PLAG1: variants seen among roughly 807,000 people sequenced by gnomAD.
The protein encoded by PLAG1 is PLAG1 zinc finger, also known as zinc finger protein PLAG1.
In PLAG1, 7 loss-of-function variants were observed where a neutral mutation model predicts 35.5. The observed-to-expected ratio is 0.20, with a 90% CI of 0.11 to 0.37. The LOEUF is 0.37. PLAG1 is among the 10% of genes least tolerant of loss of function. PLAG1 has a pLI of 1.00. For missense variants in PLAG1, 454 were observed against 602.8 expected (o/e 0.75, Z 2.58); for synonymous variants, 229 against 225.4 (o/e 1.02, Z -0.14).
intron 1 of PLAG1, among the ~76,000 whole-genome samples, chr8:56,195,499 A>T (rs1331313124): frequency 6.6e-6 from 1 of 152,180 alleles, no homozygotes. Flanking sequence ...ATGGAAGCTA[A>T]CCAGCCTTCT....
At chr8:56,205,555 TATTA>T (rs1246419351) in intron 1 of PLAG1, among the ~76,000 whole-genome samples, 1 of 151,890 alleles carries the variant, frequency 6.6e-6, no homozygotes, top group Non-Finnish European at 1.5e-5. Context: ...TGTAGTTGGT[TATTA>T]TTTATTCACA....
At position 56,166,668 on chromosome 8, in the gene PLAG1, G is replaced by A. The variant is rs1563372594; in HGVS notation, c.1078C>T (p.Leu360=). ...QPLKGEIESY[L]MELQGGVPSS... Reference sequence around the variant, plus strand: ...GGCACGCCACCTTGTAACTCCATCAGGTAACTCTCAATTTCCCCCTTTAAT... The same window carrying A: ...GGCACGCCACCTTGTAACTCCATCAAGTAACTCTCAATTTCCCCCTTTAAT... Residue 360 remains leucine, a synonymous_variant, in exon 5 of 5, where the codon CTG becomes TTG. Coordinates refer to ENST00000316981, the MANE Select transcript of PLAG1 (RefSeq NM_002655.3). 3.1e-6 allele frequency: 5 copies of A among 1,614,060 alleles called. No individual in the cohort carries two copies. Among genetic ancestry groups the A allele is most frequent in the Non-Finnish European group, 4.2e-6 (5 of 1,179,966 alleles).
intron 1 of PLAG1, among the ~76,000 whole-genome samples, chr8:56,193,137 T>A (rs1812236290): frequency 6.6e-6 from 1 of 152,226 alleles, no homozygotes; most frequent in South Asian, 2.1e-4. Flanking sequence ...ATTGTAATTA[T>A]ACCTTTAAAA....
Position 56,167,575 on chromosome 8 carries a change from G to A in PLAG1, c.243-72C>T. 1.1e-6 allele frequency: 1 copy of A among 893,802 alleles called. No individual in the cohort carries two copies. 55.4% of individuals were successfully genotyped at this position (893,802 alleles called of 1,614,324 possible). A position where few individuals can be genotyped will look rare whatever the true frequency, so the allele number is the denominator to read the frequency against. On this transcript the variant is annotated intron_variant, in intron 4 of 4. Coordinates refer to ENST00000316981, the MANE Select transcript of PLAG1 (RefSeq NM_002655.3). The surrounding 1 kb of genome is among the most constrained non-coding windows in gnomAD (Gnocchi z 5.9). Reference sequence around the variant, plus strand: ...GCATGTATTCACTTTTCAAATGGAAGCTAAACTACTATGCTAACACAGAAT... The same window carrying A: ...GCATGTATTCACTTTTCAAATGGAAACTAAACTACTATGCTAACACAGAAT...
In PLAG1 at chr8:56,166,872, T is replaced by G; in HGVS notation, c.874A>C (p.Asn292His). 1.2e-6 allele frequency: 2 copies of G among 1,614,084 alleles called. No individual in the cohort carries two copies. The highest frequency in any genetic ancestry group is 1.7e-6 in the Non-Finnish European group (2 of 1,180,002). ...FTNTLQLNLY[N>H]TPFQSMQSSG... Reference sequence around the variant, plus strand: ...CTCTGCATGGACTGAAATGGAGTGTTGTAGAGGTTTAACTGCAAAGTGTTT... The same window carrying G: ...CTCTGCATGGACTGAAATGGAGTGTGGTAGAGGTTTAACTGCAAAGTGTTT... The change falls in exon 5 of 5, where the codon AAC becomes CAC. Residue 292 changes from asparagine to histidine, a missense_variant. Physicochemically the swap from Asn to His is moderately conservative, Grantham distance 68. This residue lies in a region of PLAG1 where 271 missense variants were observed against 315.6 expected (regional missense o/e 0.86). Coordinates refer to ENST00000316981, the MANE Select transcript of PLAG1 (RefSeq NM_002655.3).
chr8:56,188,257 G>A (rs1445733269), intron 1 of PLAG1, among the ~76,000 whole-genome samples: 1 of 152,138 alleles, frequency 6.6e-6, no homozygotes, highest in Non-Finnish European at 1.5e-5. Context: ...ATCTTGCAGA[G>A]CCATTTGGTA....
intron 1 of PLAG1, among the ~76,000 whole-genome samples, chr8:56,180,928 T>C: frequency 6.6e-6 from 1 of 152,184 alleles, no homozygotes. Flanking sequence ...AGAAGACATT[T>C]GAAACATATG....
intron 1 of PLAG1, among the ~76,000 whole-genome samples, chr8:56,196,203 CA>C (rs1320123305): frequency 6.6e-6 from 1 of 152,118 alleles, no homozygotes; most frequent in Non-Finnish European, 1.5e-5. Flanking sequence ...GGAAAATAAA[CA>C]AGCCCGAGGG....
At position 56,192,105 on chromosome 8, in the gene PLAG1, G is replaced by A. The variant is rs117474350; in HGVS notation, c.-321-12592C>T. On this transcript the variant is annotated intron_variant, in intron 1 of 4. Coordinates refer to ENST00000316981, the MANE Select transcript of PLAG1 (RefSeq NM_002655.3). The stretch of plus-strand genomic sequence containing the variant: ...AAGAAATCAACAAGTGTAGAGAGAG[G>A]GAAGGTTGCTGTAAGTGGCTGTGGC... Among the ~76,000 whole-genome samples, 1,424 of 152,210 alleles carry A rather than the reference G, an allele frequency of 9.4e-3. 33 individuals carry two copies. The highest frequency in any genetic ancestry group is 0.044 in the Admixed American group (675 of 15,276).
Position 56,181,495 on chromosome 8 carries a change from C to T in PLAG1, c.-321-1982G>A, listed in dbSNP as rs1016305107. Among the ~76,000 whole-genome samples, 5 of 151,520 alleles carry T rather than the reference C, an allele frequency of 3.3e-5. No individual in the cohort carries two copies. The South Asian group carries it at 1.0e-3, about 32-fold the overall frequency. Reference sequence around the variant, plus strand: ...GAAAACCAAATACTACATGTTCTCACTCATAAGTGGGAGTTGAACAATAAG... The same window carrying T: ...GAAAACCAAATACTACATGTTCTCATTCATAAGTGGGAGTTGAACAATAAG... On this transcript the variant is annotated intron_variant, in intron 1 of 4. Coordinates refer to ENST00000316981, the MANE Select transcript of PLAG1 (RefSeq NM_002655.3).
Position 56,176,789 on chromosome 8 carries a change from T to A in PLAG1, c.-217+2620A>T, listed in dbSNP as rs987180526. On this transcript the variant is annotated intron_variant, in intron 2 of 4. Coordinates refer to ENST00000316981, the MANE Select transcript of PLAG1 (RefSeq NM_002655.3). ...ATCCCAAATTGTGGTAAGTTATTGA[T>A]CTTATTACCAGTAACTGATTAAGTT... Among the ~76,000 whole-genome samples, 8 of 152,096 alleles carry A rather than the reference T, an allele frequency of 5.3e-5. No homozygotes were observed. In the South Asian group the frequency reaches 1.7e-3, roughly 32 times the overall value.
Position 56,168,302 on chromosome 8 carries a change from T to C in PLAG1, c.-33A>G, listed in dbSNP as rs1226736274. 6 of 1,580,526 alleles carry C rather than the reference T, an allele frequency of 3.8e-6. No individual in the cohort carries two copies. The highest frequency in any genetic ancestry group is 5.2e-6 in the Non-Finnish European group (6 of 1,161,530). Reference sequence around the variant, plus strand: ...TAAACCAGGCCTTCTTGTTGGACACTTGGGAACTGCCCAACTCCACTAAAT... The same window carrying C: ...TAAACCAGGCCTTCTTGTTGGACACCTGGGAACTGCCCAACTCCACTAAAT... On this transcript the variant is annotated 5_prime_UTR_variant, in exon 4 of 5. Transcript: ENST00000316981.
intron 1 of PLAG1, among the ~76,000 whole-genome samples, chr8:56,191,038 G>C (rs2129230939): frequency 6.6e-6 from 1 of 152,294 alleles, no homozygotes; most frequent in South Asian, 2.1e-4. Flanking sequence ...ATGGGGGTAT[G>C]TTCCCATGAC....
intron 3 of PLAG1, among the ~76,000 whole-genome samples, 154 bp from the exon 4 acceptor site, chr8:56,168,540 A>G (rs573065752): frequency 9.8e-5 from 15 of 152,330 alleles, no homozygotes; most frequent in Admixed American, 6.5e-4. Flanking sequence ...GAAACCCCAT[A>G]GGTTTCTTTA....
intron 1 of PLAG1, among the ~76,000 whole-genome samples, chr8:56,204,040 T>A (rs1012169157): frequency 6.6e-6 from 1 of 151,980 alleles, no homozygotes; most frequent in East Asian, 1.9e-4. Flanking sequence ...GTCATAACAA[T>A]CCAAATATAT....
rs563467918 is a variant in PLAG1, at chr8:56,180,829, T to C, written c.-321-1316A>G. Reference sequence around the variant, plus strand: ...ATCTATCCATCTGACAAAGGGATAATATCCAGAATCTACAAGGAACTTAAA... The same window carrying C: ...ATCTATCCATCTGACAAAGGGATAACATCCAGAATCTACAAGGAACTTAAA... On this transcript the variant is annotated intron_variant, in intron 1 of 4. Coordinates refer to ENST00000316981, the MANE Select transcript of PLAG1 (RefSeq NM_002655.3). Among the ~76,000 whole-genome samples, 3 of 152,258 alleles carry C rather than the reference T, an allele frequency of 2.0e-5. No individual in the cohort carries two copies. The South Asian group carries it at 6.2e-4, about 32-fold the overall frequency.
chr8:56,202,768 T>C (rs1812590529), intron 1 of PLAG1, among the ~76,000 whole-genome samples: 2 of 152,178 alleles, frequency 1.3e-5, no homozygotes, highest in Non-Finnish European at 2.9e-5. Flanking sequence ...AAAGTGCTCC[T>C]AGATAGGAAT....
Position 56,166,044 on chromosome 8 carries a change from C to A in PLAG1, c.*199G>T, listed in dbSNP as rs944938890. On this transcript the variant is annotated 3_prime_UTR_variant, in exon 5 of 5. Coordinates refer to ENST00000316981, the MANE Select transcript of PLAG1 (RefSeq NM_002655.3). ...TTGGCAGTGAATCAGGACAAAATAC[C>A]CAGGTAAACTTAACTGAACACAAAT... 9 of 350,884 alleles carry A rather than the reference C, an allele frequency of 2.6e-5. No homozygotes were observed. Among genetic ancestry groups the A allele is most frequent in the African/African-American group, 1.9e-4 (9 of 47,746 alleles). 21.7% of individuals were successfully genotyped at this position (350,884 alleles called of 1,614,324 possible). A position where few individuals can be genotyped will look rare whatever the true frequency, so the allele number is the denominator to read the frequency against.
intron 1 of PLAG1, among the ~76,000 whole-genome samples, chr8:56,197,383 G>A (rs942918970): frequency 2.0e-5 from 3 of 152,332 alleles, no homozygotes; most frequent in Admixed American, 6.5e-5. Context: ...CTCTCCCCCA[G>A]TCCAGGTGTC....
Sources: gnomAD v4.1 joint callset for allele counts (sites outside exome capture counted in the v4.1 genomes callset) on GRCh38, gnomAD v4.1.1 for gene constraint, gnomAD v4.1.1 regional missense constraint, Gnocchi (gnomAD v3.1) non-coding constraint, MANE v1.5 for transcripts, NCBI Gene and HGNC (gene_info 2026-07-23, HGNC 2026-07-21) for gene names.